The following RAPGEF4 variants were observed in gnomAD, a reference collection of about 807,000 sequenced individuals.
RAPGEF4 encodes RAP guanine-nucleotide-exchange factor (GEF) 4.
RAPGEF4 carries 66 observed loss-of-function variants against 147.9 expected under a neutral mutation model. That is an observed-to-expected ratio of 0.45 (90% CI 0.37 to 0.55). The LOEUF is 0.55. Among genes scored for constraint, RAPGEF4 ranks in the 20% least tolerant of loss-of-function variants. The probability of loss-of-function intolerance (pLI) is 0.00; values close to 1 mark genes in which losing one functional copy is unlikely to be tolerated. For synonymous variants in RAPGEF4, 419 were observed against 442.7 expected (o/e 0.95, Z 0.67); for missense variants, 1,071 against 1,257.3 (o/e 0.85, Z 2.24).
intron 4 of RAPGEF4, among the ~76,000 whole-genome samples, chr2:172,865,146 C>T (rs1694489923): frequency 6.6e-6 from 1 of 152,192 alleles, no homozygotes. Flanking sequence ...GTGGCACATC[C>T]ATCGCCGCCA....
At chr2:172,767,536 G>A (rs1374346493) in intron 1 of RAPGEF4, among the ~76,000 whole-genome samples, 1 of 152,102 alleles carries the variant, frequency 6.6e-6, no homozygotes, top group East Asian at 1.9e-4. Flanking sequence ...GAATCTATGA[G>A]GAAAATGAGA....
intron 4 of RAPGEF4, among the ~76,000 whole-genome samples, chr2:172,858,898 G>T (rs1286159508): frequency 6.6e-6 from 1 of 152,106 alleles, no homozygotes; most frequent in Non-Finnish European, 1.5e-5. Context: ...TCTGTTTTTG[G>T]GGGGTGCGGT....
At chr2:172,924,789 A>G (rs1685109516) in intron 6 of RAPGEF4, among the ~76,000 whole-genome samples, 1 of 152,180 alleles carries the variant, frequency 6.6e-6, no homozygotes, top group South Asian at 2.1e-4. Context: ...GGGCAATATT[A>G]TATTCCCCTT....
At position 173,051,951 on chromosome 2, in the gene RAPGEF4, A is replaced by G. The variant is rs373422337; in HGVS notation, c.*184A>G. 5.0e-6 allele frequency: 3 copies of G among 598,576 alleles called. No homozygotes were observed. The highest frequency in any genetic ancestry group is 8.4e-6 in the Non-Finnish European group (3 of 356,508). 37.1% of individuals were successfully genotyped at this position (598,576 alleles called of 1,614,324 possible). On this transcript the variant is annotated 3_prime_UTR_variant, in exon 31 of 31. Coordinates refer to ENST00000397081, the MANE Select transcript of RAPGEF4 (RefSeq NM_007023.4). ...CTAGCAAGAGAAGGAATTATTTGAC[A>G]TGCCTAAAGCTTACACACTCTAGCT...
chr2:172,868,835 A>G (rs1413344873), intron 4 of RAPGEF4, among the ~76,000 whole-genome samples: 3 of 152,354 alleles, frequency 2.0e-5, no homozygotes, highest in East Asian at 1.9e-4. Flanking sequence ...TACAGGAAGC[A>G]TGATGCTGGC....
chr2:172,944,003 C>G (rs778272227), intron 6 of RAPGEF4, among the ~76,000 whole-genome samples: 1 of 152,110 alleles, frequency 6.6e-6, no homozygotes, highest in Non-Finnish European at 1.5e-5. Flanking sequence ...ATGGGATTTG[C>G]AAACAGTCAG....
intron 15 of RAPGEF4, among the ~76,000 whole-genome samples, chr2:172,995,335 A>C (rs981806786): frequency 1.3e-5 from 2 of 150,216 alleles, no homozygotes; most frequent in African/African-American, 4.9e-5. Flanking sequence ...GCAGGAGTGC[A>C]GTGGTGTGAT....
At chr2:172,814,562 GT>G (rs1243532506) in intron 4 of RAPGEF4, 137 bp downstream of exon 4, 6 of 1,131,690 alleles carry the variant, frequency 5.3e-6, no homozygotes, top group Non-Finnish European at 7.7e-6. Flanking sequence ...TTCAAAACTT[GT>G]TTTTGAAATG....
At chr2:172,970,175 A>G (rs1357844095) in intron 10 of RAPGEF4, among the ~76,000 whole-genome samples, 8 of 136,352 alleles carry the variant, frequency 5.9e-5, no homozygotes, top group South Asian at 2.7e-4. Flanking sequence ...ACATACACAC[A>G]CACACCCTTT....
chr2:172,933,150 G>T (rs909787416), intron 6 of RAPGEF4, among the ~76,000 whole-genome samples: 8 of 152,178 alleles, frequency 5.3e-5, no homozygotes, highest in African/African-American at 1.9e-4. Flanking sequence ...AGGAAGCTGG[G>T]GATGGAAGTA....
chr2:172,882,500 C>T (rs1300964129), intron 4 of RAPGEF4, among the ~76,000 whole-genome samples: 5 of 152,060 alleles, frequency 3.3e-5, no homozygotes, highest in Admixed American at 3.3e-4. Flanking sequence ...ATTTAAACCA[C>T]AAAGAAGTTC....
rs200068990 is a variant in RAPGEF4, at chr2:172,756,604, G to T, written c.65+20556G>T. Among the ~76,000 whole-genome samples, 6 of 152,298 alleles carry T rather than the reference G, an allele frequency of 3.9e-5. No individual in the cohort carries two copies. In the East Asian group the frequency reaches 1.2e-3, roughly 29 times the overall value. Reference sequence around the variant, plus strand: ...CTCAGCCCTGTCTTGTACTTCTCTTGTAGGCTAATCTCTTAAATAGAAGAA... The same window carrying T: ...CTCAGCCCTGTCTTGTACTTCTCTTTTAGGCTAATCTCTTAAATAGAAGAA... On this transcript the variant is annotated intron_variant, in intron 1 of 30. Coordinates refer to ENST00000397081, the MANE Select transcript of RAPGEF4 (RefSeq NM_007023.4).
At chr2:172,751,457 A>G (rs911346510) in intron 1 of RAPGEF4, among the ~76,000 whole-genome samples, 4 of 152,208 alleles carry the variant, frequency 2.6e-5, no homozygotes, top group Admixed American at 1.3e-4. Flanking sequence ...AATAAATGCT[A>G]TGAAGCCAAA....
intron 4 of RAPGEF4, among the ~76,000 whole-genome samples, chr2:172,832,239 G>A (rs762201188): frequency 1.8e-4 from 27 of 152,208 alleles, no homozygotes; most frequent in African/African-American, 4.8e-4. Flanking sequence ...ATCTATGATC[G>A]TCTGAGGTAA....
intron 6 of RAPGEF4, among the ~76,000 whole-genome samples, chr2:172,943,880 T>A (rs1398355846): frequency 1.3e-5 from 2 of 152,188 alleles, no homozygotes; most frequent in African/African-American, 2.4e-5. Context: ...AAAAATATGG[T>A]AAGATCACTG....
At chr2:172,957,765 A>G (rs551674116) in intron 6 of RAPGEF4, among the ~76,000 whole-genome samples, 1 of 152,358 alleles carries the variant, frequency 6.6e-6, no homozygotes, top group South Asian at 2.1e-4. Context: ...AACAGATGAA[A>G]TACCCTCTTG....
chr2:173,050,447 C>T (rs1222703249), intron 30 of RAPGEF4, among the ~76,000 whole-genome samples: 1 of 152,174 alleles, frequency 6.6e-6, no homozygotes. Flanking sequence ...CTGCAACACT[C>T]CCCTTCACCC....
chr2:172,959,201 G>A (rs61501133), intron 6 of RAPGEF4, among the ~76,000 whole-genome samples: 4,576 of 152,288 alleles, frequency 0.03, 218 homozygotes, highest in African/African-American at 0.099. Context: ...GTCTCACTGG[G>A]CTCACAATAA....
rs543064579 is a variant in RAPGEF4 at position 172,812,034 on chromosome 2, A to G, written c.298-2245A>G. On this transcript the variant is annotated intron_variant, in intron 3 of 30. Coordinates refer to ENST00000397081, the MANE Select transcript of RAPGEF4 (RefSeq NM_007023.4). The stretch of plus-strand genomic sequence containing the variant: ...ATGCCCAACCATACCTCCCAAATTC[A>G]TTCAGATTTCTAAGTATATTTGTCC... 9.2e-5 allele frequency among the ~76,000 whole-genome samples: 14 copies of G among 152,296 alleles called. No homozygotes were observed. The South Asian group carries it at 1.9e-3, about 20-fold the overall frequency.
Sources: allele counts gnomAD v4.1 joint callset (sites outside exome capture counted in the v4.1 genomes callset), GRCh38; gene constraint gnomAD v4.1.1; transcripts MANE v1.5; gene names NCBI Gene and HGNC (gene_info 2026-07-23, HGNC 2026-07-21).